MRPL13: variants seen among roughly 807,000 people sequenced by gnomAD.
MRPL13 encodes the protein mitochondrial ribosomal protein L13, also known as large ribosomal subunit protein uL13m.
A neutral mutation model predicts 29.0 loss-of-function variants in MRPL13; 33 were observed. The observed-to-expected ratio is 1.14, with a 90% CI of 0.86 to 1.52. The LOEUF (loss-of-function observed/expected upper bound fraction) is 1.52, where lower values mean the gene tolerates loss of function less well. Among genes scored for constraint, MRPL13 ranks in the 40% most tolerant of loss-of-function variants. The pLI is 0.00. For synonymous variants in MRPL13, 77 were observed against 68.4 expected (o/e 1.13, Z -0.62); for missense variants, 227 against 216.7 (o/e 1.05, Z -0.30).
intron 6 of MRPL13, among the ~76,000 whole-genome samples, chr8:120,407,648 TAAAACAAAAC>T (rs55919521): frequency 0.029 from 4,238 of 146,210 alleles, 122 homozygotes; most frequent in African/African-American, 0.069. Flanking sequence ...AAACTCCATC[TAAAACAAAAC>T]AAAACAAAAC....
intron 5 of MRPL13, among the ~76,000 whole-genome samples, chr8:120,416,511 A>T (rs933534362): frequency 6.6e-6 from 1 of 152,098 alleles, no homozygotes; most frequent in Admixed American, 6.6e-5. Context: ...ATAAATAAAT[A>T]AATAAAAATA....
chr8:120,445,054 G>A lies in MRPL13; in HGVS notation c.27+14C>T. The A allele has an allele frequency of 6.2e-7, 1 of 1,613,900 alleles. No individual in the cohort carries two copies. The highest frequency in any genetic ancestry group is 1.1e-5 in the South Asian group (1 of 91,070). ...TATAATGAACCCCATCAAGCCATAA[G>A]AGTCCGAGCTCACCTGGGGCGCCCT... On this transcript the variant is annotated intron_variant, in intron 1 of 6. Transcript: ENST00000306185.
intron 6 of MRPL13, among the ~76,000 whole-genome samples, chr8:120,407,648 T>TAAAAC (rs55919521): frequency 0.22 from 32,844 of 146,074 alleles, 3,863 homozygotes; most frequent in Middle Eastern, 0.29. Context: ...AAACTCCATC[T>TAAAAC]AAAACAAAAC....
intron 2 of MRPL13, among the ~76,000 whole-genome samples, chr8:120,441,170 G>A (rs1813119428): frequency 6.6e-6 from 1 of 152,076 alleles, no homozygotes; most frequent in South Asian, 2.1e-4. Context: ...GTTGGTTTGG[G>A]TGAAGTAGAT....
intron 6 of MRPL13, among the ~76,000 whole-genome samples, chr8:120,406,479 C>A (rs904315117): frequency 6.6e-6 from 1 of 151,258 alleles, no homozygotes; most frequent in Non-Finnish European, 1.5e-5. Flanking sequence ...CTGTGGGCGC[C>A]GGGAATAAAG....
chr8:120,425,139 G>A (rs1330667332), intron 4 of MRPL13, among the ~76,000 whole-genome samples, 167 bp downstream of exon 4: 1 of 152,104 alleles, frequency 6.6e-6, no homozygotes, highest in East Asian at 1.9e-4. Flanking sequence ...AATACATAGA[G>A]TTGAATATTA....
chr8:120,435,170 T>G (rs1466711503), intron 2 of MRPL13, among the ~76,000 whole-genome samples: 1 of 152,144 alleles, frequency 6.6e-6, no homozygotes, highest in East Asian at 1.9e-4. Flanking sequence ...GTACCATTCT[T>G]GATGTTGGGA....
intron 6 of MRPL13, among the ~76,000 whole-genome samples, chr8:120,413,494 T>C (rs1016751762): frequency 5.3e-5 from 8 of 152,124 alleles, no homozygotes; most frequent in Non-Finnish European, 1.0e-4. Flanking sequence ...TAGAAACAAC[T>C]AGATGGGAGA....
At chr8:120,439,375 T>TATAACA (rs1813091040) in intron 2 of MRPL13, among the ~76,000 whole-genome samples, 1 of 152,232 alleles carries the variant, frequency 6.6e-6, no homozygotes, top group Non-Finnish European at 1.5e-5. Context: ...ATATGTGTGT[T>TATAACA]AGATAAGCTT....
chr8:120,413,868 A>T (rs960388847), intron 6 of MRPL13, 123 bp downstream of exon 6: 4 of 1,232,076 alleles, frequency 3.2e-6, no homozygotes, highest in Admixed American at 3.1e-5. Context: ...GTAGCTGCTG[A>T]GTTCCCAGGG....
At chr8:120,433,212 A>G (rs530249875) in intron 2 of MRPL13, among the ~76,000 whole-genome samples, 1 of 152,244 alleles carries the variant, frequency 6.6e-6, no homozygotes, top group South Asian at 2.1e-4. Context: ...TGAAGTTCCT[A>G]AAAGTGACAC....
chr8:120,406,114 A>G (rs1812664575), intron 6 of MRPL13, among the ~76,000 whole-genome samples: 1 of 152,210 alleles, frequency 6.6e-6, no homozygotes, highest in African/African-American at 2.4e-5. Flanking sequence ...AAATCTTTAG[A>G]GGGATATTTC....
At chr8:120,433,254 C>A (rs1320110672) in intron 2 of MRPL13, among the ~76,000 whole-genome samples, 1 of 152,034 alleles carries the variant, frequency 6.6e-6, no homozygotes, top group Admixed American at 6.6e-5. Flanking sequence ...TGGGCGAATG[C>A]AGCAGAACAG....
In MRPL13 at chr8:120,425,347, G is replaced by T; in HGVS notation, c.265C>A (p.Gln89Lys). The T allele has an allele frequency of 6.2e-7, 1 of 1,612,614 alleles. No individual in the cohort carries two copies. Among genetic ancestry groups the T allele is most frequent in the African/African-American group, 1.3e-5 (1 of 74,994 alleles). Residue 89 changes from glutamine (Q) to lysine (K), a missense_variant, in exon 4 of 7, where the codon CAA becomes AAA. Transcript: ENST00000306185. ...SHTGYPGGFR[Q>K]VTAAQLHLRD... ...AGGTGAAGCTGAGCAGCTGTTACTT[G>T]TCTAAATCCACCTGGGTAGCTGTTA...
intron 6 of MRPL13, among the ~76,000 whole-genome samples, chr8:120,411,867 T>C (rs898356823): frequency 6.6e-6 from 1 of 152,136 alleles, no homozygotes; most frequent in African/African-American, 2.4e-5. Context: ...TCTAATTCTA[T>C]TAATAAAATG....
At chr8:120,431,581 C>T (rs1333655545) in intron 3 of MRPL13, among the ~76,000 whole-genome samples, 1 of 152,046 alleles carries the variant, frequency 6.6e-6, no homozygotes, top group Non-Finnish European at 1.5e-5. Flanking sequence ...AGGAGAGTCA[C>T]GTTGTATTTG....
At chr8:120,416,659 T>C (rs982903982) in intron 5 of MRPL13, among the ~76,000 whole-genome samples, 3 of 152,166 alleles carry the variant, frequency 2.0e-5, no homozygotes, top group Admixed American at 6.5e-5. Context: ...TACACAAAAG[T>C]TGTGACAATA....
chr8:120,445,128 C>G lies in MRPL13; in HGVS notation c.-34G>C, dbSNP rs2130494217. 3 of 1,613,870 alleles carry G rather than the reference C, an allele frequency of 1.9e-6. No homozygotes were observed. The highest frequency in any genetic ancestry group is 3.3e-4 in the Middle Eastern group (2 of 6,062). ...ACTAGCAGGACCGTACGTCCTTCTCCTAGTAGCCACGCCGGGTCACTCAGC... is the reference window on the plus strand; with the variant it reads ...ACTAGCAGGACCGTACGTCCTTCTCGTAGTAGCCACGCCGGGTCACTCAGC... On this transcript the variant is annotated 5_prime_UTR_variant, in exon 1 of 7. Transcript: ENST00000306185.
intron 2 of MRPL13, among the ~76,000 whole-genome samples, chr8:120,433,960 A>G (rs1297287338): frequency 6.6e-6 from 1 of 152,152 alleles, no homozygotes; most frequent in Admixed American, 6.6e-5. Flanking sequence ...AGAGAAATTA[A>G]GTTGAAAAAT....
Sources: gnomAD v4.1 joint callset for allele counts (sites outside exome capture counted in the v4.1 genomes callset) on GRCh38, gnomAD v4.1.1 for gene constraint, MANE v1.5 for transcripts, NCBI Gene and HGNC (gene_info 2026-07-23, HGNC 2026-07-21) for gene names.